The following KLF17 variants were observed in gnomAD, a reference collection of about 807,000 sequenced individuals.
The protein encoded by KLF17 is KLF transcription factor 17.
A neutral mutation model predicts 34.2 loss-of-function variants in KLF17; 31 were observed. The observed-to-expected ratio is 0.91, with a 90% CI of 0.68 to 1.22. The LOEUF (loss-of-function observed/expected upper bound fraction) is 1.22, where lower values mean the gene tolerates loss of function less well. Ranked by LOEUF, KLF17 falls within the 50% of genes most tolerant of loss-of-function variation. KLF17 has a pLI of 0.00. For missense variants in KLF17, 478 were observed against 505.2 expected (o/e 0.95, Z 0.52); for synonymous variants, 179 against 186.7 (o/e 0.96, Z 0.34).
At chr1:44,046,852 G>T in the KLF17 span, among the ~76,000 whole-genome samples, 1 of 152,034 alleles carries the variant, frequency 6.6e-6, no homozygotes, top group Admixed American at 6.6e-5. Flanking sequence ...GTGAAACCTG[G>T]TCTCTACTAA....
chr1:44,096,417 G>A, the KLF17 span, among the ~76,000 whole-genome samples: 1 of 67,684 alleles, frequency 1.5e-5, no homozygotes, highest in Admixed American at 1.5e-4. Flanking sequence ...TTTTTTTTTT[G>A]AGAGGGAGTC....
chr1:44,104,225 G>T, the KLF17 span: 3 of 1,142,360 alleles, frequency 2.6e-6, no homozygotes, highest in South Asian at 1.2e-5. Flanking sequence ...TACGCTTATT[G>T]ATCTCATCCT....
the KLF17 span, among the ~76,000 whole-genome samples, chr1:44,087,236 T>C: frequency 7.4e-3 from 1,131 of 152,060 alleles, 11 homozygotes; most frequent in Non-Finnish European, 0.012. Context: ...ACGACAGACA[T>C]TTATTTTGTC....
chr1:44,073,527 G>T, the KLF17 span, among the ~76,000 whole-genome samples: 1 of 151,966 alleles, frequency 6.6e-6, no homozygotes, highest in Non-Finnish European at 1.5e-5. Flanking sequence ...TTTTTTTCAA[G>T]GATATGGTAA....
the KLF17 span, chr1:44,104,551 C>T: frequency 4.8e-5 from 33 of 682,100 alleles, no homozygotes; most frequent in South Asian, 5.0e-4. Context: ...TAAGGGGGCT[C>T]AGCAGACTCT....
the KLF17 span, among the ~76,000 whole-genome samples, chr1:44,065,329 A>G: frequency 5.3e-5 from 8 of 151,988 alleles, no homozygotes; most frequent in African/African-American, 1.9e-4. Context: ...TAAGTAATAC[A>G]AGCCAGAATA....
At chr1:44,096,397 TATTTTTC>T in the KLF17 span, among the ~76,000 whole-genome samples, 3 of 147,866 alleles carry the variant, frequency 2.0e-5, no homozygotes, top group African/African-American at 7.4e-5. Flanking sequence ...TTTTATTATT[TATTTTTC>T]TTTTTTTTTT....
At chr1:44,046,358 C>G in the KLF17 span, among the ~76,000 whole-genome samples, 1 of 151,818 alleles carries the variant, frequency 6.6e-6, no homozygotes, top group Non-Finnish European at 1.5e-5. Context: ...GCTGGGACTA[C>G]AGGTGCATGC....
At chr1:44,122,523 C>A in intron 1 of KLF17, 2 of 878,966 alleles carry the variant, frequency 2.3e-6, no homozygotes, top group Non-Finnish European at 3.9e-6. Context: ...CCTAGCGGTG[C>A]CATCACCCTT....
chr1:44,093,951 CAG>C, the KLF17 span, among the ~76,000 whole-genome samples: 1 of 152,188 alleles, frequency 6.6e-6, no homozygotes, highest in Non-Finnish European at 1.5e-5. Flanking sequence ...AAATGGAAGA[CAG>C]AGAAGAAACA....
chr1:44,093,827 A>T, the KLF17 span, among the ~76,000 whole-genome samples: 2 of 152,244 alleles, frequency 1.3e-5, no homozygotes, highest in Non-Finnish European at 2.9e-5. Flanking sequence ...GTTTCAGATA[A>T]GATTTCTCTC....
At chr1:44,061,911 T>C in the KLF17 span, among the ~76,000 whole-genome samples, 1 of 151,988 alleles carries the variant, frequency 6.6e-6, no homozygotes, top group Non-Finnish European at 1.5e-5. Context: ...GAGCAAACTC[T>C]GTCTCAAAAA....
rs34643385 is a variant in KLF17 at position 44,127,639 on chromosome 1, CTTCT to C, written c.82-1663_82-1660del. On this transcript the variant is annotated intron_variant, in intron 1 of 3. Transcript: ENST00000372299. ...CTTTTCTTTTCTTTTCTTTTCTTTCCTTCTTTCTTTCTTTCTTTCTTTCTTTCTT... is the reference window on the plus strand; with the variant it reads ...CTTTTCTTTTCTTTTCTTTTCTTTCCTTCTTTCTTTCTTTCTTTCTTTCTT... Among the ~76,000 whole-genome samples, 414 of 77,344 alleles carry C rather than the reference CTTCT, an allele frequency of 5.4e-3. 3 individuals carry two copies. The highest frequency in any genetic ancestry group is 0.033 in the Middle Eastern group (5 of 152). The allele number at this position is 77,344 out of a possible 152,430, so 50.7% of individuals were successfully genotyped here.
chr1:44,056,805 G>A, the KLF17 span, among the ~76,000 whole-genome samples: 1 of 152,078 alleles, frequency 6.6e-6, no homozygotes, highest in Non-Finnish European at 1.5e-5. Flanking sequence ...TTTACCTTGG[G>A]ACAACAATTA....
chr1:44,100,257 CA>C, the KLF17 span, among the ~76,000 whole-genome samples: 12,812 of 88,994 alleles, frequency 0.14, 556 homozygotes, highest in African/African-American at 0.16. Flanking sequence ...GACTCCATCT[CA>C]AAAAAAAAAA....
chr1:44,064,366 T>C, the KLF17 span, among the ~76,000 whole-genome samples: 1 of 152,198 alleles, frequency 6.6e-6, no homozygotes, highest in African/African-American at 2.4e-5. Context: ...TCTTCAACAT[T>C]TGTCGGTTAT....
the KLF17 span, among the ~76,000 whole-genome samples, chr1:44,053,111 G>A: frequency 6.6e-6 from 1 of 152,110 alleles, no homozygotes; most frequent in Admixed American, 6.5e-5. Context: ...ATGTTGGCCA[G>A]GCTGGTCTCG....
chr1:44,098,041 C>A, the KLF17 span, among the ~76,000 whole-genome samples: 1 of 152,104 alleles, frequency 6.6e-6, no homozygotes, highest in African/African-American at 2.4e-5. Context: ...GTGGTGTGAT[C>A]ATGGCTCACT....
At chr1:44,081,759 G>T in the KLF17 span, among the ~76,000 whole-genome samples, 1 of 151,994 alleles carries the variant, frequency 6.6e-6, no homozygotes, top group Admixed American at 6.6e-5. Context: ...GCACATCACC[G>T]ATTTCAGCTT....
Sources: allele counts gnomAD v4.1 joint callset (sites outside exome capture counted in the v4.1 genomes callset), GRCh38; gene constraint gnomAD v4.1.1; transcripts MANE v1.5; gene names NCBI Gene and HGNC (gene_info 2026-07-23, HGNC 2026-07-21).